SPAST: variants seen among roughly 807,000 people sequenced by gnomAD.
SPAST encodes spastin.
Under a neutral mutation model 76.6 loss-of-function variants are expected in SPAST, and 30 were observed. The observed-to-expected ratio is 0.39, with a 90% confidence interval of 0.29 to 0.53. SPAST has a LOEUF of 0.53. Among genes scored for constraint, SPAST ranks in the 20% least tolerant of loss-of-function variants. The pLI, the probability that SPAST is intolerant of heterozygous loss-of-function variation, is 0.68. For missense variants in SPAST, 717 were observed against 770.5 expected (o/e 0.93, Z 0.82); for synonymous variants, 305 against 281.0 (o/e 1.09, Z -0.86).
At chr2:32,143,234 T>C in intron 13 of SPAST, 102 bp from the exon 14 acceptor site, 2 of 729,686 alleles carry the variant, frequency 2.7e-6, no homozygotes, top group Non-Finnish European at 4.8e-6. Flanking sequence ...TGCCCTGCAC[T>C]CCAGCCTGGG....
chr2:32,079,204 G>C (rs1677098088), intron 1 of SPAST, among the ~76,000 whole-genome samples: 1 of 152,104 alleles, frequency 6.6e-6, no homozygotes, highest in South Asian at 2.1e-4. Flanking sequence ...TAAAGCAAAG[G>C]GGGATATCAC....
intron 4 of SPAST, among the ~76,000 whole-genome samples, chr2:32,111,509 C>T (rs1678606099): frequency 6.6e-6 from 1 of 150,524 alleles, no homozygotes; most frequent in Non-Finnish European, 1.5e-5. Flanking sequence ...TATCAAAAAA[C>T]CATAGCTAAG....
intron 1 of SPAST, among the ~76,000 whole-genome samples, chr2:32,084,054 A>G (rs996845002): frequency 5.3e-5 from 8 of 151,540 alleles, no homozygotes; most frequent in Non-Finnish European, 8.8e-5. Flanking sequence ...TGCTGGGATT[A>G]CAGGCATGAC....
intron 9 of SPAST, among the ~76,000 whole-genome samples, chr2:32,133,708 TC>T (rs1183664423): frequency 1.3e-5 from 2 of 152,128 alleles, no homozygotes; most frequent in Admixed American, 1.3e-4. Context: ...CAGTGTTTTT[TC>T]CACACCGTCT....
chr2:32,067,406 G>C (rs1286812541), intron 1 of SPAST, among the ~76,000 whole-genome samples: 1 of 151,964 alleles, frequency 6.6e-6, no homozygotes, highest in Non-Finnish European at 1.5e-5. Flanking sequence ...GGAGTTGGGA[G>C]GTAGGATAAA....
At chr2:32,107,209 T>A (rs1286400295) in intron 4 of SPAST, among the ~76,000 whole-genome samples, 1 of 152,042 alleles carries the variant, frequency 6.6e-6, no homozygotes, top group African/African-American at 2.4e-5. Context: ...TAATATGAAA[T>A]CTGAAATCCA....
At chr2:32,096,500 A>G (rs1461567765) in intron 3 of SPAST, among the ~76,000 whole-genome samples, 4 of 152,150 alleles carry the variant, frequency 2.6e-5, no homozygotes, top group African/African-American at 4.8e-5. Context: ...GTATGTGTCT[A>G]TGACTCCTCC....
rs796747785 is a variant in SPAST, at chr2:32,083,722, T to A, written c.416-3770T>A. ...ATATATATTTTTATACTATATATAT[T>A]TATATATACTATATATATTTATATA... On this transcript the variant is annotated intron_variant, in intron 1 of 16. Coordinates refer to ENST00000315285, the MANE Select transcript of SPAST (RefSeq NM_014946.4). Among the ~76,000 whole-genome samples the A allele has an allele frequency of 1.4e-4, 11 of 76,438 alleles. No homozygotes were observed. In the East Asian group the frequency reaches 3.6e-3, roughly 25 times the overall value. 50.1% of individuals were successfully genotyped at this position (76,438 alleles called of 152,430 possible).
rs1239257330 is a variant in SPAST, at chr2:32,154,472, G to A, written c.1827G>A (p.Lys609=). Residue 609 remains lysine (K), a synonymous_variant, in exon 17 of 17, where the codon AAG becomes AAA. Coordinates refer to ENST00000315285, the MANE Select transcript of SPAST (RefSeq NM_014946.4). ...QTLEAYIRWN[K]DFGDTTV The stretch of plus-strand genomic sequence containing the variant: ...TAGAAGCGTACATACGTTGGAACAA[G>A]GACTTTGGAGATACCACTGTTTAAG... 6.2e-7 allele frequency: 1 copy of A among 1,613,614 alleles called. No individual in the cohort carries two copies. Among genetic ancestry groups the A allele is most frequent in the African/African-American group, 1.3e-5 (1 of 74,906 alleles).
intron 1 of SPAST, among the ~76,000 whole-genome samples, chr2:32,066,284 ATTCT>A (rs1676507753): frequency 6.6e-6 from 1 of 152,108 alleles, no homozygotes; most frequent in Non-Finnish European, 1.5e-5. Flanking sequence ...AGCAAGCTCC[ATTCT>A]TTATCACCTC....
At chr2:32,119,281 G>T (rs1181369957) in intron 7 of SPAST, among the ~76,000 whole-genome samples, 2 of 152,118 alleles carry the variant, frequency 1.3e-5, no homozygotes, top group East Asian at 3.9e-4. Flanking sequence ...CTATGAATGG[G>T]TAAGACTTAT....
intron 4 of SPAST, among the ~76,000 whole-genome samples, chr2:32,112,068 T>G (rs1451791892): frequency 6.6e-6 from 1 of 150,672 alleles, no homozygotes; most frequent in Non-Finnish European, 1.5e-5. Flanking sequence ...TTCTCCTGCC[T>G]CAGCCTCCTG....
At chr2:32,150,924 T>G (rs978827535) in intron 16 of SPAST, among the ~76,000 whole-genome samples, 1 of 151,608 alleles carries the variant, frequency 6.6e-6, no homozygotes, top group Non-Finnish European at 1.5e-5. Flanking sequence ...CAGGTTATAT[T>G]GTTACAATAT....
chr2:32,080,458 T>TG (rs375095744), intron 1 of SPAST, among the ~76,000 whole-genome samples: 1 of 152,210 alleles, frequency 6.6e-6, no homozygotes, highest in Non-Finnish European at 1.5e-5. Flanking sequence ...TGGCTAATAA[T>TG]TTAAACTACA....
At position 32,137,285 on chromosome 2, in the gene SPAST, C is replaced by T. The variant is rs1679571979; in HGVS notation, c.1493+97C>T. On this transcript the variant is annotated intron_variant, in intron 12 of 16. Transcript: ENST00000315285. Reference sequence around the variant, plus strand: ...TATTTCCTTACTCTCAGTTTTAAGACTAAATTCACTATTTTCTTCCAGTAC... The same window carrying T: ...TATTTCCTTACTCTCAGTTTTAAGATTAAATTCACTATTTTCTTCCAGTAC... 26 of 992,394 alleles carry T rather than the reference C, an allele frequency of 2.6e-5. 1 individual carries two copies. The South Asian group carries it at 3.2e-4, about 12-fold the overall frequency. The allele number at this position is 992,394 out of a possible 1,614,324, so 61.5% of individuals were successfully genotyped here.
rs576869377 is a variant in SPAST, at chr2:32,103,914, G to A, written c.682+5023G>A. ...ATGTGGTCAATTTTGGAATAGGTGTGGTGTGGTGCTGAGAAGAATGTATAT... is the reference window on the plus strand; with the variant it reads ...ATGTGGTCAATTTTGGAATAGGTGTAGTGTGGTGCTGAGAAGAATGTATAT... On this transcript the variant is annotated intron_variant, in intron 4 of 16. Transcript: ENST00000315285. Among the ~76,000 whole-genome samples the A allele has an allele frequency of 4.6e-5, 7 of 152,218 alleles. No homozygotes were observed. The East Asian group carries it at 1.2e-3, about 25-fold the overall frequency.
At chr2:32,150,415 T>C (rs1202860313) in intron 16 of SPAST, among the ~76,000 whole-genome samples, 2 of 150,854 alleles carry the variant, frequency 1.3e-5, no homozygotes, top group Admixed American at 6.6e-5. Flanking sequence ...TTCTAACTTA[T>C]TTAATTTAAT....
intron 4 of SPAST, among the ~76,000 whole-genome samples, chr2:32,101,488 T>G (rs560523687): frequency 1.6e-3 from 240 of 152,356 alleles, no homozygotes; most frequent in African/African-American, 5.6e-3. Flanking sequence ...TTGTCAATTT[T>G]GGCTTTTGTT....
chr2:32,141,446 T>C (rs113874323), intron 12 of SPAST, among the ~76,000 whole-genome samples: 1 of 152,240 alleles, frequency 6.6e-6, no homozygotes, highest in African/African-American at 2.4e-5. Context: ...CTGACAGTCA[T>C]GTCCATGATC....
Sources: allele counts gnomAD v4.1 joint callset (sites outside exome capture counted in the v4.1 genomes callset), GRCh38; gene constraint gnomAD v4.1.1; transcripts MANE v1.5; gene names NCBI Gene and HGNC (gene_info 2026-07-23, HGNC 2026-07-21).